The following ADGRG1 variants were observed in gnomAD, a reference collection of about 807,000 sequenced individuals.
ADGRG1 encodes the protein 7-transmembrane protein with no EGF-like N-terminal domains-1.
A neutral mutation model predicts 73.5 loss-of-function variants in ADGRG1; 53 were observed. The observed-to-expected ratio is 0.72, with a 90% CI of 0.58 to 0.91. ADGRG1 has a LOEUF of 0.91. Ranked by LOEUF, ADGRG1 falls within the 40% of genes least tolerant of loss-of-function variation. The pLI, the probability that ADGRG1 is intolerant of heterozygous loss-of-function variation, is 0.00. For missense variants in ADGRG1, 795 were observed against 871.8 expected, an observed-to-expected ratio of 0.91 and a Z score of 1.11; for synonymous variants, 394 against 374.4, an observed-to-expected ratio of 1.05 and a Z score of -0.60.
In ADGRG1 at chr16:57,657,382, G is replaced by A. The variant is rs749498869; in HGVS notation, c.1177G>A (p.Val393Met). ...TGTCTCCTGGGGCCAGGTCTCCTCG[G>A]TGGAGGTGGACGCCGTGCACAAGCA... ...TYFAVLMVSS[V>M]EVDAVHKHYL... The change falls in exon 10 of 14, where the codon GTG becomes ATG. Residue 393 changes from valine (V) to methionine (M), a missense_variant. Coordinates refer to ENST00000562631, the MANE Select transcript of ADGRG1 (RefSeq NM_201525.4). 3.7e-6 allele frequency: 6 copies of A among 1,613,894 alleles called. No individual in the cohort carries two copies.
intron 1 of ADGRG1, chr16:57,632,007 G>C (rs2038081929): frequency 1.0e-6 from 1 of 985,496 alleles, no homozygotes; most frequent in African/African-American, 1.7e-5. Flanking sequence ...CTGGTTCCCT[G>C]ATGGCTCAGC....
At chr16:57,639,640 A>G (rs1221573025) in intron 1 of ADGRG1, 3 of 985,412 alleles carry the variant, frequency 3.0e-6, no homozygotes, top group East Asian at 2.3e-4. Context: ...TAATGTATCT[A>G]TAGTCTGCCT....
rs766802563 is a variant in ADGRG1, at chr16:57,654,137, A to C, written c.768+4A>C. ...GCACATCCACTCCCGGCAGGAGGTC[A>C]GGGGCAGGCCTGGGCAGGAAGCAGA... On this transcript the variant is annotated splice_donor_region_variant and intron_variant, in intron 5 of 13. Transcript: ENST00000562631. 1.4e-5 allele frequency: 22 copies of C among 1,611,098 alleles called. No homozygotes were observed. The highest frequency in any genetic ancestry group is 1.9e-5 in the Non-Finnish European group (22 of 1,179,854).
At chr16:57,626,435 C>T (rs1176441046), upstream of ADGRG1, among the ~76,000 whole-genome samples, 1 of 152,224 alleles carries the variant, frequency 6.6e-6, no homozygotes, top group Non-Finnish European at 1.5e-5. Context: ...CCAGGTATCG[C>T]TACTATGAGA....
intron 1 of ADGRG1, chr16:57,648,363 C>T (rs733464): frequency 0.39 from 247,033 of 639,306 alleles, 49,285 homozygotes; most frequent in African/African-American, 0.51. Context: ...GGAAATGGTG[C>T]CCTTCCCTAA....
chr16:57,628,975 T>A (rs1274671008), intron 1 of ADGRG1, 173 bp downstream of exon 1: 2 of 541,602 alleles, frequency 3.7e-6, no homozygotes, highest in Non-Finnish European at 4.4e-6. Flanking sequence ...TGTGAGTGTG[T>A]GAGAGTGAGT....
intron 1 of ADGRG1, chr16:57,644,094 C>T: frequency 1.0e-6 from 1 of 985,276 alleles, no homozygotes; most frequent in Non-Finnish European, 1.2e-6. Flanking sequence ...GAGCCCTGCT[C>T]TTTGCACTGT....
chr16:57,629,958 C>A (rs1429326471), intron 1 of ADGRG1: 1 of 978,566 alleles, frequency 1.0e-6, no homozygotes, highest in South Asian at 4.7e-5. Context: ...AGGCAGGGGC[C>A]TCCCACCCCC....
intron 7 of ADGRG1, 81 bp from the exon 8 acceptor site, chr16:57,656,145 C>G: frequency 6.2e-7 from 1 of 1,613,602 alleles, no homozygotes. Flanking sequence ...TGACTGTGTT[C>G]TAGACTTCCT....
At chr16:57,633,334 T>G (rs1379403570) in intron 1 of ADGRG1, 2 of 984,966 alleles carry the variant, frequency 2.0e-6, no homozygotes, top group Non-Finnish European at 2.4e-6. Flanking sequence ...AAAAATGACT[T>G]AGAGCAAGCG....
At chr16:57,658,156 T>A (rs773741571) in intron 10 of ADGRG1, among the ~76,000 whole-genome samples, 1 of 152,210 alleles carries the variant, frequency 6.6e-6, no homozygotes, top group Non-Finnish European at 1.5e-5. Flanking sequence ...ATTTCTGCCT[T>A]TGAATAAGCA....
intron 5 of ADGRG1, among the ~76,000 whole-genome samples, chr16:57,654,815 G>A (rs1367191308): frequency 1.3e-5 from 2 of 152,196 alleles, no homozygotes; most frequent in Non-Finnish European, 2.9e-5. Flanking sequence ...GGGAGGCGGA[G>A]GTTGCAGTGA....
intron 10 of ADGRG1, chr16:57,658,859 A>G: frequency 3.5e-6 from 2 of 571,742 alleles, no homozygotes; most frequent in Non-Finnish European, 4.4e-6. Flanking sequence ...GCCATGAGTT[A>G]GGGGCAGGGC....
At chr16:57,644,957 C>A in intron 1 of ADGRG1, 2 of 503,428 alleles carry the variant, frequency 4.0e-6, no homozygotes, top group Non-Finnish European at 5.1e-6. Context: ...CCACTGATCA[C>A]ACACTCATGC....
chr16:57,639,987 C>T, intron 1 of ADGRG1: 2 of 340,002 alleles, frequency 5.9e-6, no homozygotes, highest in Non-Finnish European at 8.3e-6. Flanking sequence ...GAGAGCTCCA[C>T]ACCCGTCCCT....
Position 57,663,432 on chromosome 16 carries a change from C to T in ADGRG1, c.1934-20C>T, listed in dbSNP as rs367568398. 30 of 1,613,444 alleles carry T rather than the reference C, an allele frequency of 1.9e-5. No homozygotes were observed. The East Asian group carries it at 2.0e-4, about 11-fold the overall frequency. The stretch of plus-strand genomic sequence containing the variant: ...GTGGGGCTCCCCCACCTGCTGACCC[C>T]GTGCCCTCACTGCCCGCAGGCTTCC... On this transcript the variant is annotated intron_variant, in intron 13 of 13. Coordinates refer to ENST00000562631, the MANE Select transcript of ADGRG1 (RefSeq NM_201525.4).
At chr16:57,654,326 C>G (rs1399486553) in intron 5 of ADGRG1, among the ~76,000 whole-genome samples, 193 bp downstream of exon 5, 2 of 151,526 alleles carry the variant, frequency 1.3e-5, no homozygotes, top group Non-Finnish European at 2.9e-5. Context: ...TGTGTGGGCA[C>G]AGTGGCAGGG....
intron 13 of ADGRG1, 80 bp from the exon 14 acceptor site, chr16:57,663,372 G>A: frequency 6.3e-7 from 1 of 1,590,894 alleles, no homozygotes; most frequent in Admixed American, 1.8e-5. Context: ...GCAGACCCGA[G>A]TCACAATGGC....
At chr16:57,663,419 C>T (rs778206927) in intron 13 of ADGRG1, 33 bp from the exon 14 acceptor site, 1 of 1,612,656 alleles carries the variant, frequency 6.2e-7, no homozygotes, top group Non-Finnish European at 8.5e-7. Flanking sequence ...GGGGCTCCCC[C>T]ACCTGCTGAC....
Sources: gnomAD v4.1 joint callset for allele counts (sites outside exome capture counted in the v4.1 genomes callset) on GRCh38, gnomAD v4.1.1 for gene constraint, MANE v1.5 for transcripts, NCBI Gene and HGNC (gene_info 2026-07-23, HGNC 2026-07-21) for gene names.